Variants in PAK1 observed in about 807,000 individuals in gnomAD.
PAK1 encodes serine/threonine-protein kinase PAK 1.
In PAK1, 29 loss-of-function variants were observed where a neutral mutation model predicts 67.4. The ratio of observed to expected loss-of-function variants is 0.43; its 90% confidence interval spans 0.32 to 0.59. The LOEUF (loss-of-function observed/expected upper bound fraction) is 0.59, where lower values mean the gene tolerates loss of function less well. PAK1 is among the 20% of genes least tolerant of loss of function. The probability of loss-of-function intolerance (pLI) is 0.07; values close to 1 mark genes in which losing one functional copy is unlikely to be tolerated. For synonymous variants in PAK1, 223 were observed against 237.4 expected, an observed-to-expected ratio of 0.94 and a Z score of 0.56; for missense variants, 337 against 670.7, an observed-to-expected ratio of 0.50 and a Z score of 5.50.
chr11:77,447,774 C>T (rs1249613099), intron 1 of PAK1, among the ~76,000 whole-genome samples: 1 of 152,170 alleles, frequency 6.6e-6, no homozygotes, highest in Admixed American at 6.5e-5. Context: ...GATCCGCCCA[C>T]CTCAGCCTCC....
chr11:77,407,670 C>T (rs1163468152), intron 1 of PAK1, among the ~76,000 whole-genome samples: 1 of 152,174 alleles, frequency 6.6e-6, no homozygotes, highest in Non-Finnish European at 1.5e-5. Context: ...CCAGTGGAAG[C>T]GAAAATGCCT....
At chr11:77,489,719 G>A in the PAK1 span, among the ~76,000 whole-genome samples, 42 of 151,328 alleles carry the variant, frequency 2.8e-4, no homozygotes, top group African/African-American at 9.3e-4. Flanking sequence ...CCGAGGTGCC[G>A]GGATTGCAGA....
At chr11:77,431,674 A>G (rs1422864404) in intron 1 of PAK1, among the ~76,000 whole-genome samples, 1 of 152,208 alleles carries the variant, frequency 6.6e-6, no homozygotes, top group African/African-American at 2.4e-5. Flanking sequence ...TCATCTTTCT[A>G]GCTACTTGGA....
At chr11:77,428,861 A>C (rs1955701352) in intron 1 of PAK1, among the ~76,000 whole-genome samples, 1 of 151,556 alleles carries the variant, frequency 6.6e-6, no homozygotes, top group Non-Finnish European at 1.5e-5. Context: ...TTGTCATGGA[A>C]GAGCACCCTG....
At chr11:77,441,762 T>C (rs1956364621) in intron 1 of PAK1, among the ~76,000 whole-genome samples, 2 of 152,230 alleles carry the variant, frequency 1.3e-5, no homozygotes, top group East Asian at 3.8e-4. Context: ...TTTGAGATGA[T>C]CATGTAAAAC....
chr11:77,377,036 T>C (rs1048992618), intron 4 of PAK1, among the ~76,000 whole-genome samples: 2 of 152,178 alleles, frequency 1.3e-5, no homozygotes, highest in Middle Eastern at 3.4e-3. Flanking sequence ...CCCAGAACTG[T>C]GGGAAGCCAA....
chr11:77,355,776 T>C lies in PAK1; in HGVS notation c.664A>G (p.Ile222Val), dbSNP rs1319725019. ...TPTRDVATSP[I>V]SPTENNTTPP... ...GTGGTGTTATTTTCAGTAGGTGAAA[T>C]GGGAGATGTAGCCACGTCCCGAGTT... is the stretch of plus-strand genomic sequence containing the variant. The change falls in exon 7 of 15, where the codon ATT (isoleucine) becomes GTT (valine). Residue 222 changes from isoleucine to valine, a missense_variant. Coordinates refer to ENST00000356341, the MANE Select transcript of PAK1 (RefSeq NM_002576.5). 1.2e-6 allele frequency: 2 copies of C among 1,613,160 alleles called. No individual in the cohort carries two copies. Among genetic ancestry groups the C allele is most frequent in the African/African-American group, 1.3e-5 (1 of 74,888 alleles).
intron 1 of PAK1, among the ~76,000 whole-genome samples, chr11:77,465,867 T>C (rs1957573699): frequency 6.6e-6 from 1 of 152,156 alleles, no homozygotes; most frequent in Non-Finnish European, 1.5e-5. Flanking sequence ...GACGATTGCT[T>C]GAGCCCGGGA....
chr11:77,511,852 C>T, the PAK1 span, among the ~76,000 whole-genome samples: 1 of 152,174 alleles, frequency 6.6e-6, no homozygotes, highest in Non-Finnish European at 1.5e-5. Context: ...GACTTAAAAA[C>T]ACATTGCCCC....
At chr11:77,490,298 A>ACCCCC in the PAK1 span, among the ~76,000 whole-genome samples, 1 of 79,892 alleles carries the variant, frequency 1.3e-5, no homozygotes, top group Non-Finnish European at 2.3e-5. Context: ...CAGCCCCCCC[A>ACCCCC]CCCGGCCAGC....
intron 5 of PAK1, among the ~76,000 whole-genome samples, chr11:77,372,556 A>C (rs1948582467): frequency 6.6e-6 from 1 of 152,220 alleles, no homozygotes; most frequent in Non-Finnish European, 1.5e-5. Flanking sequence ...AGCATGGTTC[A>C]AAGTATTTTG....
chr11:77,337,333 C>T lies in PAK1; in HGVS notation c.1207G>A (p.Val403Ile), dbSNP rs1415355342. ...TAAGGCTCCTACTTACTTAGCTTGACAGAGCCATCCATTCCCAACAGAATA... is the reference window on the plus strand; with the variant it reads ...TAAGGCTCCTACTTACTTAGCTTGATAGAGCCATCCATTCCCAACAGAATA... Reference protein sequence around the residue: ...DNILLGMDGSVKLTDFGFCAQ... With the variant: ...DNILLGMDGSIKLTDFGFCAQ... Residue 403 changes from valine (V) to isoleucine (I), a missense_variant, in exon 12 of 15, where the codon GTC becomes ATC. This residue lies in a region of PAK1 where 2 missense variants were observed against 34.4 expected (regional missense o/e 0.06). Transcript: ENST00000356341. The T allele has an allele frequency of 6.3e-7, 1 of 1,581,312 alleles. No individual in the cohort carries two copies. The highest frequency in any genetic ancestry group is 1.1e-5 in the South Asian group (1 of 89,982).
intron 1 of PAK1, among the ~76,000 whole-genome samples, chr11:77,425,323 TTTAA>T (rs1205586407): frequency 3.9e-5 from 6 of 152,030 alleles, no homozygotes; most frequent in African/African-American, 1.5e-4. Flanking sequence ...TTCTTCTCAC[TTTAA>T]TTAAGTTTGG....
intron 1 of PAK1, among the ~76,000 whole-genome samples, chr11:77,404,476 A>T (rs1953174540): frequency 6.6e-6 from 1 of 152,124 alleles, no homozygotes. Context: ...CATGTTGGCC[A>T]GGCTGATCTC....
Position 77,337,338 on chromosome 11 carries a change from C to T in PAK1, c.1202G>A (p.Gly401Asp). 1 of 1,589,936 alleles carries T rather than the reference C, an allele frequency of 6.3e-7. No homozygotes were observed. The highest frequency in any genetic ancestry group is 8.6e-7 in the Non-Finnish European group (1 of 1,158,894). ...CTCCTACTTACTTAGCTTGACAGAG[C>T]CATCCATTCCCAACAGAATATTGTC... ...KSDNILLGMD[G>D]SVKLTDFGFC... Residue 401 changes from glycine (G) to aspartate (D), a missense_variant, in exon 12 of 15, where the codon GGC (glycine) becomes GAC (aspartate). Around this residue, in one of 8 missense-constraint regions of PAK1, gnomAD observed 2 missense variants for 34.4 expected, o/e 0.06. Coordinates refer to ENST00000356341, the MANE Select transcript of PAK1 (RefSeq NM_002576.5).
At chr11:77,343,206 G>T (rs1016369023) in intron 10 of PAK1, among the ~76,000 whole-genome samples, 1 of 150,578 alleles carries the variant, frequency 6.6e-6, no homozygotes, top group African/African-American at 2.4e-5. Context: ...TAATAAAAAT[G>T]GGACTTAATG....
At chr11:77,396,878 A>C (rs1951898984) in intron 1 of PAK1, 1 of 152,088 alleles carries the variant, frequency 6.6e-6, no homozygotes, top group South Asian at 2.1e-4. Context: ...TTTTACCCTC[A>C]TTGATCCTCC....
intron 1 of PAK1, among the ~76,000 whole-genome samples, chr11:77,414,506 T>A (rs2852390): frequency 0.11 from 16,759 of 152,246 alleles, 2,242 homozygotes; most frequent in African/African-American, 0.31. Context: ...ACTGACTTGC[T>A]ATAAAGCTAC....
intron 5 of PAK1, among the ~76,000 whole-genome samples, chr11:77,370,730 C>T (rs1170698459): frequency 6.6e-6 from 1 of 152,170 alleles, no homozygotes; most frequent in Non-Finnish European, 1.5e-5. Flanking sequence ...TTTAAGAAAT[C>T]TTTTCTGAAA....
Sources: allele counts gnomAD v4.1 joint callset (sites outside exome capture counted in the v4.1 genomes callset), GRCh38; gene constraint gnomAD v4.1.1; regional missense constraint gnomAD v4.1.1; transcripts MANE v1.5; gene names NCBI Gene and HGNC (gene_info 2026-07-23, HGNC 2026-07-21).